PDE4D: variants seen among roughly 807,000 people sequenced by gnomAD.
PDE4D encodes the protein 3',5'-cyclic-AMP phosphodiesterase 4D.
In PDE4D, 24 loss-of-function variants were observed where a neutral mutation model predicts 87.4. The ratio of observed to expected loss-of-function variants is 0.27; its 90% CI spans 0.20 to 0.39. The LOEUF is 0.39. Among genes scored for constraint, PDE4D ranks in the 10% least tolerant of loss-of-function variants. The pLI, the probability that PDE4D is intolerant of heterozygous loss-of-function variation, is 1.00. For missense variants in PDE4D, 714 were observed against 1,041.0 expected, an observed-to-expected ratio of 0.69 and a Z score of 4.32; for synonymous variants, 384 against 383.2, an observed-to-expected ratio of 1.00 and a Z score of -0.02.
At chr5:59,533,898 A>C (rs1814674410) in intron 1 of PDE4D, among the ~76,000 whole-genome samples, 1 of 152,190 alleles carries the variant, frequency 6.6e-6, no homozygotes, top group South Asian at 2.1e-4. Flanking sequence ...TGCTTTTTAA[A>C]AGGTGAAAAT....
intron 1 of PDE4D, among the ~76,000 whole-genome samples, chr5:59,838,846 C>T (rs1742544611): frequency 6.6e-6 from 1 of 151,970 alleles, no homozygotes; most frequent in South Asian, 2.1e-4. Flanking sequence ...TAAATGGTAC[C>T]TTGACAAACA....
rs780941133 is a variant in PDE4D, at chr5:59,215,922, G to A, written c.502C>T (p.Pro168Ser). The change falls in exon 2 of 15, where the codon CCC (proline) becomes TCC (serine). Residue 168 changes from proline to serine, a missense_variant. Physicochemically the swap from Pro to Ser is moderately conservative, Grantham distance 74. Around this residue, in one of 7 missense-constraint regions of PDE4D, gnomAD observed 268 missense variants for 272.9 expected, o/e 0.98. Transcript: ENST00000340635. Reference protein sequence around the residue: ...GTSAGRSPLDPMTSPGSGLIL... With the variant: ...GTSAGRSPLDSMTSPGSGLIL... ...AGCCCGGATCCTGGGCTGGTCATGG[G>A]ATCCAAGGGACTCCGTCCCGCAGAT... 2.5e-6 allele frequency: 4 copies of A among 1,613,214 alleles called. No homozygotes were observed. The East Asian group carries it at 8.9e-5, about 36-fold the overall frequency.
At chr5:59,115,703 A>C (rs552087842) in intron 5 of PDE4D, among the ~76,000 whole-genome samples, 2 of 152,266 alleles carry the variant, frequency 1.3e-5, no homozygotes, top group South Asian at 4.1e-4. Flanking sequence ...TAAGTTCTTA[A>C]TAGTTAGGAT....
intron 5 of PDE4D, among the ~76,000 whole-genome samples, chr5:59,172,262 A>G (rs1561624756): frequency 8.1e-6 from 1 of 122,868 alleles, no homozygotes; most frequent in Non-Finnish European, 1.6e-5. Flanking sequence ...ATAAATATAT[A>G]TTTATACAAT....
intron 3 of PDE4D, among the ~76,000 whole-genome samples, chr5:59,903,457 G>T (rs779376009): frequency 6.6e-5 from 10 of 152,130 alleles, no homozygotes; most frequent in Middle Eastern, 3.4e-3. Flanking sequence ...CTAATGTTTA[G>T]CTGCTCTAAA....
chr5:60,046,945 C>G (rs1234009756), intron 2 of PDE4D, among the ~76,000 whole-genome samples: 1,899 of 152,168 alleles, frequency 0.012, 15 homozygotes, highest in Non-Finnish European at 0.016. Context: ...AGGAATGGTA[C>G]CAGCTCCTCC....
intron 1 of PDE4D, among the ~76,000 whole-genome samples, chr5:59,660,413 A>G (rs1373958366): frequency 2.0e-5 from 3 of 151,984 alleles, no homozygotes; most frequent in Non-Finnish European, 4.4e-5. Flanking sequence ...ACTTCCTTTT[A>G]TTTATTTTTT....
intron 3 of PDE4D, among the ~76,000 whole-genome samples, chr5:59,901,839 T>C (rs1752294220): frequency 1.3e-5 from 2 of 151,818 alleles, no homozygotes; most frequent in Non-Finnish European, 2.9e-5. Context: ...AATTTACCAT[T>C]ATCTGGTAAA....
At chr5:59,997,030 T>C (rs1393734307) in intron 2 of PDE4D, among the ~76,000 whole-genome samples, 1 of 152,150 alleles carries the variant, frequency 6.6e-6, no homozygotes, top group Non-Finnish European at 1.5e-5. Flanking sequence ...AAATCTCTCA[T>C]TCAGTAATAT....
chr5:59,115,228 A>G (rs182892514), intron 5 of PDE4D, among the ~76,000 whole-genome samples: 1 of 152,262 alleles, frequency 6.6e-6, no homozygotes, highest in African/African-American at 2.4e-5. Context: ...GTATTTTTTG[A>G]TGATTTGGGG....
chr5:59,762,189 T>C (rs1333104703), intron 1 of PDE4D, among the ~76,000 whole-genome samples: 1 of 140,504 alleles, frequency 7.1e-6, no homozygotes, highest in Non-Finnish European at 1.6e-5. Flanking sequence ...TATATATGTA[T>C]ATGGGTACAC....
intron 5 of PDE4D, among the ~76,000 whole-genome samples, chr5:59,168,153 T>C (rs1259176535): frequency 6.6e-6 from 1 of 151,782 alleles, no homozygotes; most frequent in East Asian, 1.9e-4. Flanking sequence ...ATCAGAAATA[T>C]CTCAAGGAAG....
In PDE4D at chr5:60,376,260, C is replaced by A. The variant is rs537050713; in HGVS notation, c.-90+111682G>T. Among the ~76,000 whole-genome samples, 5 of 152,260 alleles carry A rather than the reference C, an allele frequency of 3.3e-5. No homozygotes were observed. In the South Asian group the frequency reaches 1.0e-3, roughly 32 times the overall value. On this transcript the variant is annotated intron_variant, in intron 1 of 16. Coordinates refer to the PDE4D transcript ENST00000502484. ...CTAAATGGTGATAAACCCACAGCAA[C>A]CCTATGAGATAAGCATCATTGTTAT...
At chr5:59,404,664 T>TAAAAAAAAAAAA (rs141310449) in intron 1 of PDE4D, among the ~76,000 whole-genome samples, 1 of 137,100 alleles carries the variant, frequency 7.3e-6, no homozygotes, top group Non-Finnish European at 1.6e-5. Flanking sequence ...AGACTCTGTC[T>TAAAAAAAAAAAA]AAAAAAAAAA....
intron 2 of PDE4D, among the ~76,000 whole-genome samples, chr5:60,146,998 AC>A (rs1169645344): frequency 6.6e-6 from 1 of 152,148 alleles, no homozygotes; most frequent in Admixed American, 6.5e-5. Flanking sequence ...AGAAGAGGGA[AC>A]CCTTGTACCC....
At chr5:59,723,337 C>T (rs1306413746) in intron 1 of PDE4D, among the ~76,000 whole-genome samples, 2 of 151,976 alleles carry the variant, frequency 1.3e-5, no homozygotes, top group African/African-American at 4.8e-5. Flanking sequence ...TGTTTTCTTA[C>T]CCATATAAGA....
At chr5:58,996,492 T>C (rs1749261359) in intron 6 of PDE4D, among the ~76,000 whole-genome samples, 1 of 152,112 alleles carries the variant, frequency 6.6e-6, no homozygotes, top group South Asian at 2.1e-4. Context: ...TCATAAAAGA[T>C]AGGAGATGAG....
At position 60,118,085 on chromosome 5, in the gene PDE4D, A is replaced by G. The variant is rs371539055; in HGVS notation, c.42+67472T>C. Among the ~76,000 whole-genome samples the G allele has an allele frequency of 3.0e-4, 45 of 152,270 alleles. 1 individual carries two copies. Among genetic ancestry groups the G allele is most frequent in the African/African-American group, 9.6e-4 (40 of 41,572 alleles). On this transcript the variant is annotated intron_variant, in intron 2 of 16. Coordinates refer to the PDE4D transcript ENST00000502484. ...CACTCCTTTTGTTGTTGTTGTTTCT[A>G]GGCCACTGCATAGATTTCAAGTTTC...
intron 1 of PDE4D, among the ~76,000 whole-genome samples, chr5:59,716,938 T>C (rs997369356): frequency 1.3e-5 from 2 of 152,216 alleles, no homozygotes; most frequent in Non-Finnish European, 2.9e-5. Context: ...TTTGGACTTG[T>C]TTTTGCATCA....
Sources: gnomAD v4.1 joint callset for allele counts (sites outside exome capture counted in the v4.1 genomes callset) on GRCh38, gnomAD v4.1.1 for gene constraint, gnomAD v4.1.1 regional missense constraint, MANE v1.5 for transcripts, NCBI Gene and HGNC (gene_info 2026-07-23, HGNC 2026-07-21) for gene names.